The following MRTFA variants were observed in gnomAD, a reference collection of about 807,000 sequenced individuals.
MRTFA encodes the protein myocardin related transcription factor A, also known as myocardin-related transcription factor A.
In MRTFA, 20 loss-of-function variants were observed where a neutral mutation model predicts 83.5. The ratio of observed to expected loss-of-function variants is 0.24; its 90% CI spans 0.17 to 0.35. The LOEUF is 0.35. Ranked by LOEUF, MRTFA falls within the 10% of genes least tolerant of loss-of-function variation. MRTFA has a pLI of 1.00. For synonymous variants in MRTFA, 659 were observed against 541.2 expected (o/e 1.22, Z -3.02); for missense variants, 1,200 against 1,224.7 (o/e 0.98, Z 0.30).
rs555689417 is a variant in MRTFA at position 40,531,834 on chromosome 22, C to T, written c.241+20272G>A. On this transcript the variant is annotated intron_variant, in intron 3 of 14. Coordinates refer to ENST00000355630, the MANE Select transcript of MRTFA (RefSeq NM_020831.6). ...AGCTAATGGCTACAGCACTTCAGAA[C>T]AAAACAGTAGCAATTTTACAAAACC... Among the ~76,000 whole-genome samples the T allele has an allele frequency of 1.2e-4, 18 of 152,246 alleles. 1 individual carries two copies. The East Asian group carries it at 3.1e-3, about 26-fold the overall frequency.
At chr22:40,461,789 A>C (rs5995862) in intron 4 of MRTFA, among the ~76,000 whole-genome samples, 18,810 of 151,772 alleles carry the variant, frequency 0.12, 1,358 homozygotes, top group East Asian at 0.24. Flanking sequence ...ACAGAGCAAG[A>C]CTCCGTCTTA....
chr22:40,418,130 G>A (rs556483270), intron 12 of MRTFA, among the ~76,000 whole-genome samples: 1 of 152,300 alleles, frequency 6.6e-6, no homozygotes, highest in East Asian at 1.9e-4. Context: ...CTGAGGTGCC[G>A]AAATGTTCTA....
intron 3 of MRTFA, among the ~76,000 whole-genome samples, chr22:40,498,775 C>T (rs1032947732): frequency 1.3e-5 from 2 of 152,142 alleles, no homozygotes; most frequent in Non-Finnish European, 2.9e-5. Flanking sequence ...GATACAGTGG[C>T]TAGGAATTTG....
At chr22:40,541,464 T>C (rs867083366) in intron 3 of MRTFA, among the ~76,000 whole-genome samples, 64 of 152,302 alleles carry the variant, frequency 4.2e-4, no homozygotes, top group African/African-American at 1.4e-3. Context: ...ACACCTCGTA[T>C]TGGGCACCAC....
intron 12 of MRTFA, chr22:40,417,859 A>G (rs1301885520): frequency 7.6e-6 from 2 of 261,938 alleles, no homozygotes; most frequent in Non-Finnish European, 7.4e-6. Flanking sequence ...GTTCTGCAGG[A>G]CCACGAGGCT....
chr22:40,483,694 AAAAATT>A (rs1409744622), intron 3 of MRTFA, among the ~76,000 whole-genome samples: 2 of 151,850 alleles, frequency 1.3e-5, no homozygotes, highest in East Asian at 1.9e-4. Flanking sequence ...ATAAAAAAAA[AAAAATT>A]AAAATTAAAA....
intron 3 of MRTFA, among the ~76,000 whole-genome samples, chr22:40,489,967 G>C (rs1021233762): frequency 4.4e-5 from 1 of 22,630 alleles, no homozygotes; most frequent in African/African-American, 2.0e-4. Context: ...GCATGACTCT[G>C]TCGCAAAAAA....
intron 2 of MRTFA, among the ~76,000 whole-genome samples, chr22:40,571,200 C>A (rs368801585): frequency 6.6e-6 from 1 of 151,074 alleles, no homozygotes; most frequent in Non-Finnish European, 1.5e-5. Context: ...GGAGTGAGAC[C>A]CTCTCTCAAA....
At chr22:40,540,192 GT>G (rs1569319431) in intron 3 of MRTFA, among the ~76,000 whole-genome samples, 1 of 152,054 alleles carries the variant, frequency 6.6e-6, no homozygotes, top group East Asian at 1.9e-4. Flanking sequence ...GATTACAGAT[GT>G]AAGCCACCAC....
At chr22:40,451,275 A>G (rs377111571) in intron 4 of MRTFA, among the ~76,000 whole-genome samples, 20 of 152,202 alleles carry the variant, frequency 1.3e-4, no homozygotes, top group African/African-American at 4.6e-4. Context: ...AGTTCGAGAG[A>G]CTGACCATGA....
chr22:40,467,220 G>A (rs1305877613), intron 3 of MRTFA, among the ~76,000 whole-genome samples: 1 of 152,086 alleles, frequency 6.6e-6, no homozygotes, highest in Admixed American at 6.6e-5. Context: ...CCTGATTTAG[G>A]TATGTGTTGT....
intron 2 of MRTFA, among the ~76,000 whole-genome samples, chr22:40,585,564 A>G (rs973481691): frequency 6.6e-6 from 1 of 152,224 alleles, no homozygotes. Flanking sequence ...TAAGATGGTA[A>G]ATTTCATGTG....
intron 4 of MRTFA, among the ~76,000 whole-genome samples, chr22:40,458,452 G>T (rs28419341): frequency 0.14 from 21,737 of 151,986 alleles, 1,859 homozygotes; most frequent in East Asian, 0.24. Flanking sequence ...GGAAAGGTCA[G>T]ACCCCAACAC....
At chr22:40,533,653 A>G in intron 3 of MRTFA, 1 of 1,221,842 alleles carries the variant, frequency 8.2e-7, no homozygotes. Context: ...TCTTCCAGAA[A>G]CAAAAATCCA....
Position 40,629,617 on chromosome 22 carries a change from A to G in MRTFA, c.-84+6861T>C, listed in dbSNP as rs191344945. On this transcript the variant is annotated intron_variant, in intron 1 of 14. Transcript: ENST00000355630. ...TCCCTACTAAAAAAAATATATACATATACAAAAAATTAGCTGGGCGTGGTG... is the reference window on the plus strand; with the variant it reads ...TCCCTACTAAAAAAAATATATACATGTACAAAAAATTAGCTGGGCGTGGTG... Among the ~76,000 whole-genome samples the G allele has an allele frequency of 3.2e-3, 484 of 150,290 alleles. 1 individual carries two copies. The highest frequency in any genetic ancestry group is 7.0e-3 in the Middle Eastern group (2 of 286).
At chr22:40,633,521 G>A (rs1327183545) in intron 1 of MRTFA, among the ~76,000 whole-genome samples, 1 of 152,078 alleles carries the variant, frequency 6.6e-6, no homozygotes, top group Non-Finnish European at 1.5e-5. Flanking sequence ...TATTTAAGCT[G>A]CACTCTCAAA....
intron 3 of MRTFA, among the ~76,000 whole-genome samples, chr22:40,534,477 C>G (rs951596308): frequency 6.6e-6 from 1 of 152,170 alleles, no homozygotes; most frequent in Admixed American, 6.5e-5. Flanking sequence ...ATGTTTGAGA[C>G]AGGGTCTCAC....
chr22:40,450,982 C>T (rs2053476042), intron 4 of MRTFA, among the ~76,000 whole-genome samples: 1 of 152,164 alleles, frequency 6.6e-6, no homozygotes, highest in South Asian at 2.1e-4. Flanking sequence ...GCCTCATCTG[C>T]AAAATGGCAA....
intron 3 of MRTFA, among the ~76,000 whole-genome samples, chr22:40,479,581 C>T (rs1465426162): frequency 6.6e-6 from 1 of 152,036 alleles, no homozygotes; most frequent in South Asian, 2.1e-4. Context: ...AATTATGAAA[C>T]ACAACAAATG....
Sources: gnomAD v4.1 joint callset for allele counts (sites outside exome capture counted in the v4.1 genomes callset) on GRCh38, gnomAD v4.1.1 for gene constraint, MANE v1.5 for transcripts, NCBI Gene and HGNC (gene_info 2026-07-23, HGNC 2026-07-21) for gene names.